The following NETO1 variants were observed in gnomAD, a reference collection of about 807,000 sequenced individuals.
The protein encoded by NETO1 is neuropilin and tolloid like 1, also known as neuropilin and tolloid-like protein 1.
A neutral mutation model predicts 61.3 loss-of-function variants in NETO1; 26 were observed. The observed-to-expected ratio is 0.42, with a 90% CI of 0.31 to 0.59. The LOEUF (loss-of-function observed/expected upper bound fraction) is 0.59, where lower values mean the gene tolerates loss of function less well. Among genes scored for constraint, NETO1 ranks in the 20% least tolerant of loss-of-function variants. NETO1 has a pLI of 0.12. For missense variants in NETO1, 531 were observed against 662.8 expected (o/e 0.80, Z 2.18); for synonymous variants, 225 against 225.8 (o/e 1.00, Z 0.03).
intron 4 of NETO1, among the ~76,000 whole-genome samples, chr18:72,811,883 C>A (rs1599050038): frequency 6.6e-6 from 1 of 152,296 alleles, no homozygotes; most frequent in Non-Finnish European, 1.5e-5. Flanking sequence ...TCTTGGAGAC[C>A]TTTCTCTTGG....
At chr18:72,774,410 C>T (rs1022813820) in intron 7 of NETO1, among the ~76,000 whole-genome samples, 4 of 152,142 alleles carry the variant, frequency 2.6e-5, no homozygotes, top group African/African-American at 4.8e-5. Context: ...TATGAATTAT[C>T]TATGTGTATT....
At chr18:72,821,713 T>G (rs916875035) in intron 4 of NETO1, among the ~76,000 whole-genome samples, 5 of 151,990 alleles carry the variant, frequency 3.3e-5, no homozygotes, top group African/African-American at 1.2e-4. Context: ...ATTTTTAGAG[T>G]TGAAGAACGT....
intron 4 of NETO1, among the ~76,000 whole-genome samples, chr18:72,824,916 G>T: frequency 6.6e-6 from 1 of 152,028 alleles, no homozygotes; most frequent in Middle Eastern, 3.4e-3. Context: ...AAAATAAAGA[G>T]ATTTGGGATT....
chr18:72,860,911 C>T (rs1408678792), intron 3 of NETO1, among the ~76,000 whole-genome samples: 1 of 152,004 alleles, frequency 6.6e-6, no homozygotes, highest in Admixed American at 6.5e-5. Context: ...TATGTATGTA[C>T]CAGTTTATTT....
rs142031958 is a variant in NETO1 at position 72,771,878 on chromosome 18, T to C, written c.868+11800A>G. ...AATTATCACAAATTTACCCACCAGCTTAAAACAATATCTTTTTATGATCTC... is the reference window on the plus strand; with the variant it reads ...AATTATCACAAATTTACCCACCAGCCTAAAACAATATCTTTTTATGATCTC... On this transcript the variant is annotated intron_variant, in intron 7 of 10. Coordinates refer to ENST00000327305, the MANE Select transcript of NETO1 (RefSeq NM_138966.5). 3.2e-3 allele frequency among the ~76,000 whole-genome samples: 486 copies of C among 152,132 alleles called. 2 individuals are homozygous for C. The highest frequency in any genetic ancestry group is 0.011 in the African/African-American group (462 of 41,544).
chr18:72,752,364 T>C lies in NETO1; in HGVS notation c.983-1744A>G, dbSNP rs191426710. Among the ~76,000 whole-genome samples, 20 of 152,190 alleles carry C rather than the reference T, an allele frequency of 1.3e-4. No homozygotes were observed. The East Asian group carries it at 3.9e-3, about 29-fold the overall frequency. Reference sequence around the variant, plus strand: ...AATACCAACAGAGGTGATAGCTAAATAGAGAGAACAGGAAATGAGAGAGGC... The same window carrying C: ...AATACCAACAGAGGTGATAGCTAAACAGAGAGAACAGGAAATGAGAGAGGC... On this transcript the variant is annotated intron_variant, in intron 8 of 10. Coordinates refer to ENST00000327305, the MANE Select transcript of NETO1 (RefSeq NM_138966.5).
intron 7 of NETO1, among the ~76,000 whole-genome samples, chr18:72,756,876 A>T (rs2070802002): frequency 6.6e-6 from 1 of 152,144 alleles, no homozygotes; most frequent in Non-Finnish European, 1.5e-5. Flanking sequence ...ATGAGAAAAC[A>T]TGAGTTTAAT....
intron 4 of NETO1, among the ~76,000 whole-genome samples, chr18:72,826,178 A>G (rs1194787473): frequency 6.6e-6 from 1 of 152,232 alleles, no homozygotes; most frequent in East Asian, 1.9e-4. Context: ...TTAAGGGTGC[A>G]TTTTTGATAT....
chr18:72,824,664 GA>G (rs1271119099), intron 4 of NETO1, among the ~76,000 whole-genome samples: 4 of 149,104 alleles, frequency 2.7e-5, no homozygotes, highest in East Asian at 2.0e-4. Context: ...CAGGAGTTCA[GA>G]AACAGCCTGG....
At position 72,867,385 on chromosome 18, in the gene NETO1, G is replaced by A; in HGVS notation, c.-94C>T. On this transcript the variant is annotated 5_prime_UTR_variant, in exon 1 of 11. Transcript: ENST00000327305. The stretch of plus-strand genomic sequence containing the variant: ...CGGGGGGAGGACAGGGTCGAGAGGT[G>A]TTAAAGACGCAAAGCAAGAAGGAAA... 3 of 975,714 alleles carry A rather than the reference G, an allele frequency of 3.1e-6. No homozygotes were observed. Among genetic ancestry groups the A allele is most frequent in the Non-Finnish European group, 4.4e-6 (3 of 685,318 alleles). The allele number at this position is 975,714 out of a possible 1,614,324, so 60.4% of individuals were successfully genotyped here.
chr18:72,778,424 T>C (rs2071629728), intron 7 of NETO1, among the ~76,000 whole-genome samples: 2 of 152,194 alleles, frequency 1.3e-5, no homozygotes, highest in Non-Finnish European at 2.9e-5. Flanking sequence ...AATAATTGCA[T>C]CTCTAAATCT....
intron 7 of NETO1, among the ~76,000 whole-genome samples, chr18:72,782,751 C>G (rs188473601): frequency 6.6e-6 from 1 of 152,218 alleles, no homozygotes; most frequent in East Asian, 1.9e-4. Flanking sequence ...TTGCTGTGAG[C>G]TGAGATCGCA....
intron 7 of NETO1, among the ~76,000 whole-genome samples, chr18:72,775,816 T>C (rs1216294807): frequency 6.6e-6 from 1 of 152,140 alleles, no homozygotes; most frequent in East Asian, 1.9e-4. Context: ...TGGGGTTAAG[T>C]ATGTGTGGGG....
At chr18:72,832,950 T>C (rs922737873) in intron 4 of NETO1, among the ~76,000 whole-genome samples, 1 of 152,202 alleles carries the variant, frequency 6.6e-6, no homozygotes, top group Non-Finnish European at 1.5e-5. Flanking sequence ...ATTTCCAAAA[T>C]GGATGACATT....
chr18:72,811,299 T>C (rs2072858047), intron 4 of NETO1, among the ~76,000 whole-genome samples: 1 of 152,182 alleles, frequency 6.6e-6, no homozygotes, highest in African/African-American at 2.4e-5. Flanking sequence ...ATTCTACCAA[T>C]GATTCTCTTT....
chr18:72,866,768 T>C, intron 1 of NETO1: 1 of 992,134 alleles, frequency 1.0e-6, no homozygotes, highest in Non-Finnish European at 1.2e-6. Flanking sequence ...ATCAGCGGTC[T>C]CCAGGGCGGA....
intron 6 of NETO1, among the ~76,000 whole-genome samples, chr18:72,785,176 T>C (rs1416336387): frequency 6.6e-6 from 1 of 152,196 alleles, no homozygotes; most frequent in Non-Finnish European, 1.5e-5. Context: ...CAAGCAAACA[T>C]CCATCTCTTT....
chr18:72,808,462 G>A (rs1363720339), intron 4 of NETO1, among the ~76,000 whole-genome samples: 1 of 137,670 alleles, frequency 7.3e-6, no homozygotes, highest in Admixed American at 7.6e-5. Context: ...TGTGGAGTGT[G>A]TGTGTGGTGA....
At chr18:72,775,139 T>A (rs889356401) in intron 7 of NETO1, among the ~76,000 whole-genome samples, 1 of 152,174 alleles carries the variant, frequency 6.6e-6, no homozygotes, top group Non-Finnish European at 1.5e-5. Context: ...GAGGCAGCAG[T>A]ATTATACCTA....
Sources: gnomAD v4.1 joint callset for allele counts (sites outside exome capture counted in the v4.1 genomes callset) on GRCh38, gnomAD v4.1.1 for gene constraint, MANE v1.5 for transcripts, NCBI Gene and HGNC (gene_info 2026-07-23, HGNC 2026-07-21) for gene names.